Variants in SCFD2 observed in about 807,000 individuals in gnomAD.
The protein encoded by SCFD2 is sec1 family domain-containing protein 2.
A neutral mutation model predicts 58.9 loss-of-function variants in SCFD2; 54 were observed. The observed-to-expected ratio is 0.92, with a 90% CI of 0.74 to 1.15. SCFD2 has a LOEUF of 1.15. Among genes scored for constraint, SCFD2 ranks in the 50% most tolerant of loss-of-function variants. The probability of loss-of-function intolerance (pLI) is 0.00; values close to 1 mark genes in which losing one functional copy is unlikely to be tolerated. For synonymous variants in SCFD2, 321 were observed against 335.9 expected (o/e 0.96, Z 0.49); for missense variants, 805 against 836.6 (o/e 0.96, Z 0.47).
intron 5 of SCFD2, among the ~76,000 whole-genome samples, chr4:53,109,264 T>C (rs566779490): frequency 2.0e-5 from 3 of 152,304 alleles, no homozygotes; most frequent in Admixed American, 1.3e-4. Flanking sequence ...AATATCATAC[T>C]GAATGGGCAA....
At position 53,329,077 on chromosome 4, in the gene SCFD2, C is replaced by G. The variant is rs28395486; in HGVS notation, c.1008-15314G>C. Among the ~76,000 whole-genome samples the G allele has an allele frequency of 5.5e-3, 840 of 152,336 alleles. 6 individuals carry two copies. Among genetic ancestry groups the G allele is most frequent in the African/African-American group, 0.019 (791 of 41,586 alleles). On this transcript the variant is annotated intron_variant, in intron 2 of 8. Coordinates refer to ENST00000401642, the MANE Select transcript of SCFD2 (RefSeq NM_152540.4). ...CACACCACGAGATTATATCCCTCAC[C>G]TGGCTCAGAGGGTCCTACGCCCACA...
At chr4:53,284,389 C>T (rs1560427854) in intron 3 of SCFD2, among the ~76,000 whole-genome samples, 1 of 152,084 alleles carries the variant, frequency 6.6e-6, no homozygotes, top group Non-Finnish European at 1.5e-5. Flanking sequence ...AAAAAGGTTA[C>T]TTTGAAGAAC....
chr4:52,892,406 A>C (rs150082466), intron 7 of SCFD2, among the ~76,000 whole-genome samples: 6 of 152,194 alleles, frequency 3.9e-5, no homozygotes, highest in Non-Finnish European at 5.9e-5. Context: ...AACTGGTTAT[A>C]TATTCCTAGC....
chr4:53,111,736 T>C (rs1404014155), intron 5 of SCFD2, among the ~76,000 whole-genome samples: 1 of 152,176 alleles, frequency 6.6e-6, no homozygotes, highest in African/African-American at 2.4e-5. Context: ...GATTGTATTA[T>C]CTGAAAATTT....
At chr4:52,992,305 A>G (rs1721630416) in intron 5 of SCFD2, among the ~76,000 whole-genome samples, 1 of 152,220 alleles carries the variant, frequency 6.6e-6, no homozygotes, top group Non-Finnish European at 1.5e-5. Flanking sequence ...CCGGGATTGC[A>G]GACGGAGTCT....
intron 2 of SCFD2, among the ~76,000 whole-genome samples, chr4:53,345,896 A>G (rs988992104): frequency 6.6e-6 from 1 of 152,102 alleles, no homozygotes; most frequent in African/African-American, 2.4e-5. Context: ...GAATTGAACA[A>G]TGAGAACACT....
At chr4:53,158,109 C>T (rs1726745269) in intron 4 of SCFD2, among the ~76,000 whole-genome samples, 2 of 152,144 alleles carry the variant, frequency 1.3e-5, no homozygotes, top group African/African-American at 4.8e-5. Flanking sequence ...CAGGTTAAAA[C>T]CTCCAGTGGA....
At chr4:53,184,492 G>A (rs1727682439) in intron 4 of SCFD2, among the ~76,000 whole-genome samples, 1 of 152,234 alleles carries the variant, frequency 6.6e-6, no homozygotes, top group Non-Finnish European at 1.5e-5. Flanking sequence ...CTCATACCAA[G>A]AAATTGCATT....
At chr4:53,265,032 T>C (rs549587879) in intron 4 of SCFD2, among the ~76,000 whole-genome samples, 4 of 152,320 alleles carry the variant, frequency 2.6e-5, no homozygotes, top group African/African-American at 7.2e-5. Flanking sequence ...GAGATGGATA[T>C]ATTACATATA....
chr4:52,930,954 G>A (rs1481474860), intron 5 of SCFD2, among the ~76,000 whole-genome samples: 4 of 152,076 alleles, frequency 2.6e-5, no homozygotes, highest in African/African-American at 9.7e-5. Flanking sequence ...CTCTCACAGC[G>A]TTTCGACTTT....
intron 5 of SCFD2, among the ~76,000 whole-genome samples, chr4:53,137,872 T>C (rs1022638670): frequency 1.3e-5 from 2 of 152,204 alleles, no homozygotes; most frequent in Admixed American, 6.5e-5. Flanking sequence ...CAATATACCC[T>C]AAAGCATTGG....
chr4:53,118,856 A>G (rs1725396251), intron 5 of SCFD2, among the ~76,000 whole-genome samples: 1 of 152,208 alleles, frequency 6.6e-6, no homozygotes, highest in Non-Finnish European at 1.5e-5. Context: ...AAAAAAAATA[A>G]AATAAAAGGC....
intron 4 of SCFD2, among the ~76,000 whole-genome samples, chr4:53,153,850 G>T (rs527438329): frequency 3.9e-5 from 6 of 152,192 alleles, no homozygotes; most frequent in African/African-American, 1.4e-4. Context: ...TGAGTGTTTT[G>T]CTGCTTAGAA....
chr4:53,163,542 C>G (rs1463118629), intron 4 of SCFD2, among the ~76,000 whole-genome samples: 1 of 152,136 alleles, frequency 6.6e-6, no homozygotes, highest in Non-Finnish European at 1.5e-5. Flanking sequence ...ATTGAGCCAA[C>G]ATGGCAAACC....
rs1446727650 is a variant in SCFD2, at chr4:53,199,950, G to A, written c.1312-54368C>T. Among the ~76,000 whole-genome samples, 6 of 150,064 alleles carry A rather than the reference G, an allele frequency of 4.0e-5. 1 individual carries two copies. The highest frequency in any genetic ancestry group is 2.0e-4 in the Admixed American group (3 of 14,888). On this transcript the variant is annotated intron_variant, in intron 4 of 8. Coordinates refer to ENST00000401642, the MANE Select transcript of SCFD2 (RefSeq NM_152540.4). The stretch of plus-strand genomic sequence containing the variant: ...GGGAGGCGGGAAGAAGAGCAAGAGA[G>A]AGTGAGAGTGAGAGCAAGAGAGGGA...
chr4:53,139,154 G>C (rs1726035014), intron 5 of SCFD2, among the ~76,000 whole-genome samples: 1 of 152,206 alleles, frequency 6.6e-6, no homozygotes, highest in Non-Finnish European at 1.5e-5. Context: ...TGCAGACGGA[G>C]TCTCGCTCAC....
chr4:53,108,433 C>A (rs1725068532), intron 5 of SCFD2, among the ~76,000 whole-genome samples: 1 of 151,532 alleles, frequency 6.6e-6, no homozygotes, highest in Non-Finnish European at 1.5e-5. Flanking sequence ...CCAGGAGGTG[C>A]TTTTTTTAAA....
intron 5 of SCFD2, among the ~76,000 whole-genome samples, chr4:53,143,275 T>C (rs1726222770): frequency 6.6e-6 from 1 of 152,226 alleles, no homozygotes; most frequent in Non-Finnish European, 1.5e-5. Context: ...TTAAAACATG[T>C]CATCTTGTTA....
intron 5 of SCFD2, among the ~76,000 whole-genome samples, chr4:52,984,320 T>C (rs1429735876): frequency 6.6e-6 from 1 of 152,226 alleles, no homozygotes; most frequent in Non-Finnish European, 1.5e-5. Context: ...AATTTGAGTG[T>C]TGTCTTTAAT....
Sources: allele counts gnomAD v4.1 joint callset (sites outside exome capture counted in the v4.1 genomes callset), GRCh38; gene constraint gnomAD v4.1.1; transcripts MANE v1.5; gene names NCBI Gene and HGNC (gene_info 2026-07-23, HGNC 2026-07-21).